KLRG1: variants seen among roughly 807,000 people sequenced by gnomAD.
KLRG1 encodes the protein killer cell lectin-like receptor subfamily G member 1.
Under a neutral mutation model 21.8 loss-of-function variants are expected in KLRG1, and 16 were observed. That is an observed-to-expected ratio of 0.73 (90% CI 0.50 to 1.11). The LOEUF (loss-of-function observed/expected upper bound fraction) is 1.11, where lower values mean the gene tolerates loss of function less well. Among genes scored for constraint, KLRG1 ranks in the 50% most tolerant of loss-of-function variants. The probability of loss-of-function intolerance (pLI) is 0.00; values close to 1 mark genes in which losing one functional copy is unlikely to be tolerated. For synonymous variants in KLRG1, 69 were observed against 75.9 expected, an observed-to-expected ratio of 0.91 and a Z score of 0.47; for missense variants, 173 against 218.3, an observed-to-expected ratio of 0.79 and a Z score of 1.31.
At chr12:9,097,573 T>C in the KLRG1 span, among the ~76,000 whole-genome samples, 1 of 151,978 alleles carries the variant, frequency 6.6e-6, no homozygotes, top group East Asian at 1.9e-4. Context: ...AGATAATACA[T>C]ATGTTCCCTC....
chr12:9,098,616 C>G, the KLRG1 span: 3 of 1,602,220 alleles, frequency 1.9e-6, no homozygotes, highest in Non-Finnish European at 2.6e-6. Context: ...CCGAGGACGC[C>G]GAGAGCTCAG....
the KLRG1 span, chr12:9,192,480 G>A: frequency 6.3e-7 from 1 of 1,577,882 alleles, no homozygotes; most frequent in East Asian, 2.3e-5. Flanking sequence ...CTACTGATAA[G>A]CTGCAATTGT....
At chr12:9,133,928 AAAG>A in the KLRG1 span, among the ~76,000 whole-genome samples, 1 of 152,354 alleles carries the variant, frequency 6.6e-6, no homozygotes, top group South Asian at 2.1e-4. Context: ...GAGATCTGAT[AAAG>A]AAGAAGATAT....
the KLRG1 span, among the ~76,000 whole-genome samples, chr12:9,056,991 G>A: frequency 6.6e-6 from 1 of 152,024 alleles, no homozygotes; most frequent in Non-Finnish European, 1.5e-5. Flanking sequence ...ATTTATGTAT[G>A]CCTTTATTTA....
chr12:9,053,845 T>C, the KLRG1 span, among the ~76,000 whole-genome samples: 1 of 152,180 alleles, frequency 6.6e-6, no homozygotes, highest in Non-Finnish European at 1.5e-5. Flanking sequence ...ATGAAACTAC[T>C]GACATCAACT....
In KLRG1 at chr12:9,005,120, C is replaced by T. The variant is rs145921282; in HGVS notation, c.358-3855C>T. ...AACACAAGAACAGAAAACCAAACAC[C>T]GCATGTTCTCACTTATAAGTAGGAG... On this transcript the variant is annotated intron_variant, in intron 3 of 4. Transcript: ENST00000356986. 1.2e-3 allele frequency among the ~76,000 whole-genome samples: 179 copies of T among 151,698 alleles called. 1 individual carries two copies. Among genetic ancestry groups the T allele is most frequent in the African/African-American group, 3.9e-3 (163 of 41,298 alleles).
At chr12:9,182,031 C>T in the KLRG1 span, 4 of 1,613,822 alleles carry the variant, frequency 2.5e-6, no homozygotes, top group South Asian at 1.1e-5. Flanking sequence ...ACAACTTCTC[C>T]ATCTGGTAAA....
chr12:9,072,979 A>G, the KLRG1 span: 1 of 771,312 alleles, frequency 1.3e-6, no homozygotes, highest in Non-Finnish European at 2.1e-6. Flanking sequence ...TACTTCCCTC[A>G]CTACTTAAAT....
the KLRG1 span, chr12:9,161,158 A>T: frequency 2.1e-6 from 3 of 1,439,900 alleles, no homozygotes; most frequent in Non-Finnish European, 2.9e-6. Flanking sequence ...GACATCTATG[A>T]TTACAATATA....
the KLRG1 span, among the ~76,000 whole-genome samples, chr12:9,056,842 T>C: frequency 6.6e-6 from 1 of 152,238 alleles, no homozygotes; most frequent in East Asian, 1.9e-4. Flanking sequence ...CATAAGCCAC[T>C]GTGCCCAGCC....
the KLRG1 span, chr12:9,113,593 G>C: frequency 1.3e-6 from 2 of 1,525,404 alleles, no homozygotes; most frequent in Non-Finnish European, 1.8e-6. Flanking sequence ...GAGAGGCATT[G>C]CTATCAACAG....
the KLRG1 span, among the ~76,000 whole-genome samples, chr12:9,138,134 G>A: frequency 6.6e-6 from 1 of 152,006 alleles, no homozygotes; most frequent in Non-Finnish European, 1.5e-5. Flanking sequence ...TCACCGTTGA[G>A]TCTGATATTA....
At chr12:8,993,740 G>T (rs757129525) in intron 2 of KLRG1, among the ~76,000 whole-genome samples, 2 of 152,130 alleles carry the variant, frequency 1.3e-5, no homozygotes, top group Non-Finnish European at 2.9e-5. Flanking sequence ...TCTATAAGGT[G>T]CCAATTTAAC....
chr12:9,212,735 T>C, the KLRG1 span, among the ~76,000 whole-genome samples: 1 of 135,426 alleles, frequency 7.4e-6, no homozygotes, highest in Admixed American at 7.3e-5. Context: ...TAACATTGAA[T>C]CTGAAAAAAA....
chr12:9,119,390 G>A, the KLRG1 span, among the ~76,000 whole-genome samples: 5 of 152,088 alleles, frequency 3.3e-5, no homozygotes, highest in African/African-American at 4.8e-5. Flanking sequence ...GTCAAGTGCC[G>A]CTGTGAAATC....
intron 3 of KLRG1, among the ~76,000 whole-genome samples, chr12:9,002,142 T>G (rs1169926505): frequency 6.6e-6 from 1 of 152,218 alleles, no homozygotes; most frequent in African/African-American, 2.4e-5. Context: ...AGTTATTTAT[T>G]TACATTATAT....
At chr12:9,176,761 CT>C in the KLRG1 span, among the ~76,000 whole-genome samples, 1 of 152,156 alleles carries the variant, frequency 6.6e-6, no homozygotes, top group African/African-American at 2.4e-5. Context: ...CTTGTTTCCC[CT>C]TTTTTGAACA....
the KLRG1 span, chr12:9,093,671 A>C: frequency 1.4e-6 from 1 of 727,686 alleles, no homozygotes; most frequent in Non-Finnish European, 2.1e-6. Context: ...AAAAAACAAA[A>C]AACAAATCGT....
At chr12:9,115,954 T>A in the KLRG1 span, 1 of 904,452 alleles carries the variant, frequency 1.1e-6, no homozygotes, top group African/African-American at 1.6e-5. Flanking sequence ...TTTATGCTGC[T>A]CTGTGTGCAA....
Sources: allele counts gnomAD v4.1 joint callset (sites outside exome capture counted in the v4.1 genomes callset), GRCh38; gene constraint gnomAD v4.1.1; transcripts MANE v1.5; gene names NCBI Gene and HGNC (gene_info 2026-07-23, HGNC 2026-07-21).